Variants in GRIK1 observed in about 807,000 individuals in gnomAD.
GRIK1 encodes glutamate ionotropic receptor kainate type subunit 1, also known as glutamate receptor ionotropic, kainate 1.
A neutral mutation model predicts 105.7 loss-of-function variants in GRIK1; 69 were observed. The observed-to-expected ratio is 0.65, with a 90% CI of 0.54 to 0.80. The LOEUF (loss-of-function observed/expected upper bound fraction) is 0.80. Ranked by LOEUF, GRIK1 falls within the 30% of genes least tolerant of loss-of-function variation. GRIK1 has a pLI of 0.00. For synonymous variants in GRIK1, 438 were observed against 431.3 expected (o/e 1.02, Z -0.19); for missense variants, 1,109 against 1,167.3 (o/e 0.95, Z 0.73).
At chr21:29,821,520 C>T (rs1241124543) in intron 1 of GRIK1, among the ~76,000 whole-genome samples, 1 of 151,992 alleles carries the variant, frequency 6.6e-6, no homozygotes, top group Admixed American at 6.6e-5. Flanking sequence ...TGAGAGGTCA[C>T]TTTTTACTGA....
chr21:29,696,486 T>G (rs73352600), intron 1 of GRIK1, among the ~76,000 whole-genome samples: 1 of 152,356 alleles, frequency 6.6e-6, no homozygotes, highest in African/African-American at 2.4e-5. Context: ...CTCTCAGAAC[T>G]GTTGGTGGAT....
At position 29,643,749 on chromosome 21, in the gene GRIK1, T is replaced by C. The variant is rs528382935; in HGVS notation, c.955-780A>G. ...GGTTTCCTTTAGGGATAAAATCTTATAATACCCTTGCATTTCACTTGAGGG... is the reference window on the plus strand; with the variant it reads ...GGTTTCCTTTAGGGATAAAATCTTACAATACCCTTGCATTTCACTTGAGGG... On this transcript the variant is annotated intron_variant, in intron 6 of 17. Coordinates refer to ENST00000327783, the MANE Select transcript of GRIK1 (RefSeq NM_001330994.2). Among the ~76,000 whole-genome samples the C allele has an allele frequency of 3.9e-5, 6 of 152,370 alleles. No individual in the cohort carries two copies. In the South Asian group the frequency reaches 8.3e-4, roughly 21 times the overall value.
intron 7 of GRIK1, among the ~76,000 whole-genome samples, chr21:29,623,937 T>C (rs978788695): frequency 2.6e-5 from 4 of 152,250 alleles, no homozygotes; most frequent in African/African-American, 9.6e-5. Flanking sequence ...CAAATCTTGT[T>C]GACATAATGT....
chr21:29,716,966 C>A (rs928421189), intron 1 of GRIK1, among the ~76,000 whole-genome samples: 1 of 152,216 alleles, frequency 6.6e-6, no homozygotes, highest in African/African-American at 2.4e-5. Context: ...TGTACAGCCT[C>A]AGGACATAGT....
intron 14 of GRIK1, among the ~76,000 whole-genome samples, chr21:29,565,122 T>C (rs2090582424): frequency 1.3e-5 from 2 of 152,178 alleles, no homozygotes; most frequent in South Asian, 4.1e-4. Context: ...GTAGGGGACT[T>C]GGTAAGTTGA....
intron 5 of GRIK1, among the ~76,000 whole-genome samples, chr21:29,652,601 A>AACTG (rs1208518439): frequency 6.6e-6 from 1 of 152,204 alleles, no homozygotes; most frequent in East Asian, 1.9e-4. Flanking sequence ...GAAGTTTCTA[A>AACTG]ATTGATTCAC....
At chr21:29,910,425 G>A (rs941127434) in intron 1 of GRIK1, among the ~76,000 whole-genome samples, 4 of 152,028 alleles carry the variant, frequency 2.6e-5, no homozygotes, top group Non-Finnish European at 4.4e-5. Flanking sequence ...TCATTTGAGA[G>A]GCCTGAGAAG....
intron 1 of GRIK1, among the ~76,000 whole-genome samples, chr21:29,899,499 G>A (rs545168427): frequency 1.1e-4 from 17 of 151,628 alleles, no homozygotes; most frequent in African/African-American, 4.1e-4. Context: ...AGTCATGTAA[G>A]GAAGTATAGT....
At chr21:29,572,840 G>T (rs577918635) in intron 14 of GRIK1, among the ~76,000 whole-genome samples, 2 of 151,890 alleles carry the variant, frequency 1.3e-5, no homozygotes, top group East Asian at 3.9e-4. Context: ...GTGCGATCTC[G>T]GCTCACTGCA....
chr21:29,613,930 A>C (rs963463301), intron 7 of GRIK1, among the ~76,000 whole-genome samples: 1 of 152,176 alleles, frequency 6.6e-6, no homozygotes, highest in Non-Finnish European at 1.5e-5. Flanking sequence ...TATTGTAGGC[A>C]AGGGAGATCT....
At chr21:29,761,553 T>C (rs1018154672) in intron 1 of GRIK1, 1 of 152,220 alleles carries the variant, frequency 6.6e-6, no homozygotes, top group Admixed American at 6.5e-5. Context: ...TCATGCTATA[T>C]ATTAAGATAA....
At chr21:29,734,108 T>G (rs138627749) in intron 1 of GRIK1, among the ~76,000 whole-genome samples, 70 of 152,280 alleles carry the variant, frequency 4.6e-4, no homozygotes, top group African/African-American at 1.6e-3. Flanking sequence ...ACAAACTTGC[T>G]CCAGAACATT....
chr21:29,805,211 A>C (rs554268127), intron 1 of GRIK1, among the ~76,000 whole-genome samples: 1 of 152,184 alleles, frequency 6.6e-6, no homozygotes, highest in Non-Finnish European at 1.5e-5. Flanking sequence ...CCTAGTTGTT[A>C]GAATGCTAGA....
intron 1 of GRIK1, among the ~76,000 whole-genome samples, chr21:29,701,747 A>T (rs902206082): frequency 1.3e-5 from 2 of 152,186 alleles, no homozygotes; most frequent in Admixed American, 6.5e-5. Flanking sequence ...TTGCCGTAAG[A>T]GTCTATTTCA....
chr21:29,934,009 AT>A (rs1322827883), intron 1 of GRIK1, among the ~76,000 whole-genome samples: 1 of 152,198 alleles, frequency 6.6e-6, no homozygotes, highest in Non-Finnish European at 1.5e-5. Context: ...AATATTTCCT[AT>A]GTTATATGGA....
intron 9 of GRIK1, among the ~76,000 whole-genome samples, chr21:29,592,043 A>C (rs777727104): frequency 9.9e-5 from 15 of 152,118 alleles, no homozygotes; most frequent in Non-Finnish European, 2.2e-4. Flanking sequence ...AGAGCGAGAC[A>C]CTGAAAAAAT....
At chr21:29,539,285 T>A (rs940035481) in intron 16 of GRIK1, among the ~76,000 whole-genome samples, 1 of 152,212 alleles carries the variant, frequency 6.6e-6, no homozygotes. Context: ...AAATTGCATT[T>A]AATACACCTA....
At chr21:29,892,944 CGG>C (rs2069957002) in intron 1 of GRIK1, among the ~76,000 whole-genome samples, 2 of 152,074 alleles carry the variant, frequency 1.3e-5, no homozygotes, top group Non-Finnish European at 2.9e-5. Flanking sequence ...GAGGCTTAGG[CGG>C]GTGGATCACC....
intron 1 of GRIK1, among the ~76,000 whole-genome samples, chr21:29,740,614 C>T (rs2064903634): frequency 6.6e-6 from 1 of 152,192 alleles, no homozygotes; most frequent in Non-Finnish European, 1.5e-5. Flanking sequence ...TCTGCCAGAG[C>T]AATGTCTTTG....
Sources: allele counts gnomAD v4.1 joint callset (sites outside exome capture counted in the v4.1 genomes callset), GRCh38; gene constraint gnomAD v4.1.1; transcripts MANE v1.5; gene names NCBI Gene and HGNC (gene_info 2026-07-23, HGNC 2026-07-21).